Variants in MIER1 observed in about 807,000 individuals in gnomAD.
MIER1 encodes MIER1 transcriptional regulator.
MIER1 carries 40 observed loss-of-function variants against 75.7 expected under a neutral mutation model. The observed-to-expected ratio is 0.53, with a 90% CI of 0.41 to 0.69. The LOEUF is 0.69. MIER1 is among the 30% of genes least tolerant of loss of function. The pLI is 0.00. For missense variants in MIER1, 574 were observed against 680.2 expected (o/e 0.84, Z 1.74); for synonymous variants, 213 against 223.4 (o/e 0.95, Z 0.42).
intron 2 of MIER1, chr1:66,928,871 CT>C (rs2101016719): frequency 1.3e-6 from 2 of 1,571,928 alleles, no homozygotes; most frequent in Non-Finnish European, 1.7e-6. Flanking sequence ...TCTTCTTTCC[CT>C]TGCTTTTCTT....
intron 4 of MIER1, among the ~76,000 whole-genome samples, chr1:66,955,972 C>G (rs949021709): frequency 2.6e-5 from 4 of 152,156 alleles, no homozygotes. Flanking sequence ...AGGTAGCAAG[C>G]ACTCCATTTG....
chr1:66,986,480 T>C lies in MIER1; in HGVS notation c.*1580T>C, dbSNP rs1349000236. Reference sequence around the variant, plus strand: ...CAATGCCTTTTTAAAATAAAGCTTCTGTGGTCTTGTTTTTAATGGCTCAAC... The same window carrying C: ...CAATGCCTTTTTAAAATAAAGCTTCCGTGGTCTTGTTTTTAATGGCTCAAC... On this transcript the variant is annotated 3_prime_UTR_variant, in exon 14 of 14. Coordinates refer to ENST00000401041, the MANE Select transcript of MIER1 (RefSeq NM_001077700.3). The C allele has an allele frequency of 6.3e-7, 1 of 1,591,946 alleles. No individual in the cohort carries two copies.
At chr1:66,926,648 T>C (rs979224052) in intron 2 of MIER1, among the ~76,000 whole-genome samples, 1 of 152,198 alleles carries the variant, frequency 6.6e-6, no homozygotes, top group Non-Finnish European at 1.5e-5. Flanking sequence ...ACCAAATTAG[T>C]AATTATCCAT....
intron 8 of MIER1, among the ~76,000 whole-genome samples, chr1:66,970,473 A>G (rs1663373475): frequency 6.6e-6 from 1 of 152,326 alleles, no homozygotes; most frequent in Admixed American, 6.5e-5. Flanking sequence ...CTCCTTTCAC[A>G]GATGAGACAG....
At position 66,930,447 on chromosome 1, in the gene MIER1, G is replaced by A. The variant is rs746628762; in HGVS notation, c.168+4205G>A. 14 of 1,570,178 alleles carry A rather than the reference G, an allele frequency of 8.9e-6. No homozygotes were observed. The East Asian group carries it at 2.9e-4, about 32-fold the overall frequency. On this transcript the variant is annotated intron_variant, in intron 2 of 13. Transcript: ENST00000401041. The stretch of plus-strand genomic sequence containing the variant: ...CCCTGTCCCGGAGCCGGGCGCCCCC[G>A]GCCCTGGGCCGGGGAGGAGTGGAGT...
chr1:66,947,935 C>A (rs11208975), intron 4 of MIER1: 3 of 985,228 alleles, frequency 3.0e-6, no homozygotes, highest in East Asian at 2.3e-4. Flanking sequence ...CCTCTGGGTT[C>A]GGTGTTGCCT....
At chr1:66,932,590 C>G (rs796249554) in intron 2 of MIER1, 1 of 152,070 alleles carries the variant, frequency 6.6e-6, no homozygotes, top group Non-Finnish European at 1.5e-5. Flanking sequence ...AGGAGAAATG[C>G]TTGGTTGGCT....
intron 4 of MIER1, among the ~76,000 whole-genome samples, chr1:66,957,514 G>A (rs971086361): frequency 6.6e-6 from 1 of 151,102 alleles, no homozygotes; most frequent in African/African-American, 2.4e-5. Flanking sequence ...TGTAAATGGA[G>A]ATAACCATAG....
At chr1:66,925,198 C>T (rs1651216373) in intron 1 of MIER1, 103 bp downstream of exon 1, 4 of 1,436,754 alleles carry the variant, frequency 2.8e-6, no homozygotes, top group East Asian at 2.8e-5. Context: ...CCCTCCCCCA[C>T]GGCAGTGTAC....
chr1:66,978,310 C>G (rs1665174783), intron 12 of MIER1, among the ~76,000 whole-genome samples: 1 of 152,084 alleles, frequency 6.6e-6, no homozygotes, highest in Non-Finnish European at 1.5e-5. Flanking sequence ...CTGCTGGTCA[C>G]TTCCTTAGAA....
chr1:66,948,765 G>T (rs1658242174), intron 4 of MIER1, among the ~76,000 whole-genome samples: 1 of 152,148 alleles, frequency 6.6e-6, no homozygotes, highest in South Asian at 2.1e-4. Flanking sequence ...TAGGCATGGT[G>T]GCATGCACCT....
At chr1:66,928,701 C>T (rs2101014548) in intron 2 of MIER1, among the ~76,000 whole-genome samples, 1 of 152,292 alleles carries the variant, frequency 6.6e-6, no homozygotes, top group South Asian at 2.1e-4. Context: ...AACAGGGTAA[C>T]TATTAGAAAC....
intron 1 of MIER1, chr1:66,925,391 C>A: frequency 1.0e-6 from 1 of 985,478 alleles, no homozygotes; most frequent in African/African-American, 1.7e-5. Flanking sequence ...AGTGAGTTCG[C>A]CTCGCCCCGT....
chr1:66,948,146 T>A, intron 4 of MIER1: 1 of 865,852 alleles, frequency 1.2e-6, no homozygotes, highest in Non-Finnish European at 1.4e-6. Context: ...TTCACCAGTG[T>A]ATTTCATGGT....
Position 66,925,111 on chromosome 1 carries a change from A to T in MIER1, c.67+16A>T. ...GGCAGCGGCTGTAAGTGCAGCCTCC[A>T]CAAGCCATCTCTCCCCTTCTATTCC... On this transcript the variant is annotated intron_variant, in intron 1 of 13. Transcript: ENST00000401041. 6.5e-7 allele frequency: 1 copy of T among 1,546,148 alleles called. No individual in the cohort carries two copies. The highest frequency in any genetic ancestry group is 1.2e-5 in the South Asian group (1 of 83,788).
Position 66,976,642 on chromosome 1 carries a change from G to GA in MIER1, c.1155dup (p.Ser386IlefsTer2), listed in dbSNP as rs1281629415. 6.2e-7 allele frequency: 1 copy of GA among 1,606,588 alleles called. No homozygotes were observed. Among genetic ancestry groups the GA allele is most frequent in the African/African-American group, 1.3e-5 (1 of 74,590 alleles). On this transcript the variant is annotated frameshift_variant, in exon 12 of 14. Transcript: ENST00000401041. LOFTEE classifies it high-confidence loss of function. Reference sequence around the variant, plus strand: ...AATGTGTAGCATTCTATTACATGTGGAAAAAATCTGAACGTTATGATTTCT... The same window carrying GA: ...AATGTGTAGCATTCTATTACATGTGGAAAAAAATCTGAACGTTATGATTTCT...
At chr1:66,964,161 T>A (rs537307480) in intron 8 of MIER1, among the ~76,000 whole-genome samples, 4 of 150,128 alleles carry the variant, frequency 2.7e-5, no homozygotes, top group African/African-American at 9.8e-5. Context: ...AACCTCCACC[T>A]CCTGGGTTCA....
chr1:66,961,003 T>A (rs1280108781), intron 7 of MIER1, among the ~76,000 whole-genome samples: 1 of 152,212 alleles, frequency 6.6e-6, no homozygotes, highest in African/African-American at 2.4e-5. Flanking sequence ...CAGTGTTTTT[T>A]TTTTAAATGA....
intron 2 of MIER1, among the ~76,000 whole-genome samples, chr1:66,928,230 T>C (rs1652288137): frequency 1.3e-5 from 2 of 152,240 alleles, no homozygotes; most frequent in South Asian, 2.1e-4. Context: ...TAAAGAGTTA[T>C]TTAACAGTAA....
Sources: allele counts gnomAD v4.1 joint callset (sites outside exome capture counted in the v4.1 genomes callset), GRCh38; gene constraint gnomAD v4.1.1; transcripts MANE v1.5; gene names NCBI Gene and HGNC (gene_info 2026-07-23, HGNC 2026-07-21).